Variants in ABI3BP observed in about 807,000 individuals in gnomAD.
ABI3BP encodes ABI family member 3 binding protein.
ABI3BP carries 216 observed loss-of-function variants against 268.6 expected under a neutral mutation model. The observed-to-expected ratio is 0.80, with a 90% CI of 0.72 to 0.90. The LOEUF (loss-of-function observed/expected upper bound fraction) is 0.90. Ranked by LOEUF, ABI3BP falls within the 40% of genes least tolerant of loss-of-function variation. The pLI is 0.00. For synonymous variants in ABI3BP, 730 were observed against 730.0 expected, an observed-to-expected ratio of 1.00 and a Z score of 0.00; for missense variants, 2,090 against 2,182.4, an observed-to-expected ratio of 0.96 and a Z score of 0.84.
intron 2 of ABI3BP, chr3:100,911,694 A>C (rs924069149): frequency 1.3e-5 from 10 of 767,050 alleles, no homozygotes; most frequent in Non-Finnish European, 2.2e-5. Flanking sequence ...ATTGGCAACC[A>C]CTAAAGGTAC....
At chr3:100,899,619 C>A (rs1329089488) in intron 3 of ABI3BP, among the ~76,000 whole-genome samples, 1 of 152,126 alleles carries the variant, frequency 6.6e-6, no homozygotes, top group Non-Finnish European at 1.5e-5. Context: ...CAGGCACTTG[C>A]ACTTTCAAAA....
At chr3:100,878,748 G>C (rs1041912031) in intron 6 of ABI3BP, among the ~76,000 whole-genome samples, 2 of 151,840 alleles carry the variant, frequency 1.3e-5, no homozygotes, top group African/African-American at 4.8e-5. Flanking sequence ...ACTCACTCAC[G>C]AGCCCACCTT....
intron 38 of ABI3BP, among the ~76,000 whole-genome samples, chr3:100,822,359 GC>G (rs545381955): frequency 2.0e-5 from 3 of 152,168 alleles, no homozygotes; most frequent in Non-Finnish European, 4.4e-5. Flanking sequence ...TTAATAAAAT[GC>G]ACAGTGCCAG....
chr3:100,816,922 G>A (rs1189821697), intron 42 of ABI3BP, among the ~76,000 whole-genome samples, 154 bp from the exon 43 acceptor site: 1 of 152,114 alleles, frequency 6.6e-6, no homozygotes. Flanking sequence ...AATCACTGAA[G>A]ATTCTTGAGA....
intron 44 of ABI3BP, 133 bp downstream of exon 44, chr3:100,815,779 A>G: frequency 1.7e-6 from 1 of 597,412 alleles, no homozygotes; most frequent in Non-Finnish European, 2.8e-6. Context: ...AAAACTGCTG[A>G]CTATTTTAAA....
chr3:100,797,196 A>G (rs1560186224), intron 51 of ABI3BP, among the ~76,000 whole-genome samples: 1 of 152,108 alleles, frequency 6.6e-6, no homozygotes, highest in Non-Finnish European at 1.5e-5. Context: ...TCGTATATGC[A>G]GTGCCTGAAA....
intron 29 of ABI3BP, among the ~76,000 whole-genome samples, chr3:100,833,526 T>C (rs1390966168): frequency 6.6e-6 from 1 of 152,212 alleles, no homozygotes; most frequent in African/African-American, 2.4e-5. Context: ...TAGTTCATGA[T>C]AGATGCAATT....
chr3:100,838,574 C>T (rs2098641757), intron 24 of ABI3BP, 110 bp from the exon 25 acceptor site: 2 of 938,120 alleles, frequency 2.1e-6, no homozygotes, highest in Admixed American at 4.1e-5. Context: ...AATCTATAAA[C>T]ATTTCTGGGG....
At chr3:100,903,553 G>T (rs1222872280) in intron 2 of ABI3BP, among the ~76,000 whole-genome samples, 17 of 152,172 alleles carry the variant, frequency 1.1e-4, no homozygotes, top group Admixed American at 1.1e-3. Flanking sequence ...TCTGAAACTC[G>T]TTCTATAAGA....
intron 52 of ABI3BP, 136 bp from the exon 53 acceptor site, chr3:100,795,987 A>G: frequency 1.7e-6 from 1 of 573,272 alleles, no homozygotes; most frequent in Non-Finnish European, 2.4e-6. Flanking sequence ...ATAAGAGAAA[A>G]TTCTTCACAT....
intron 4 of ABI3BP, among the ~76,000 whole-genome samples, chr3:100,888,144 A>G (rs1020612888): frequency 1.3e-5 from 2 of 152,106 alleles, no homozygotes; most frequent in Non-Finnish European, 2.9e-5. Flanking sequence ...TTCTAGTGAA[A>G]GCTGTGCTCA....
At chr3:100,851,441 A>C (rs2098837240) in intron 15 of ABI3BP, among the ~76,000 whole-genome samples, 1 of 152,108 alleles carries the variant, frequency 6.6e-6, no homozygotes, top group South Asian at 2.1e-4. Flanking sequence ...ATCTCTACCC[A>C]CTAGATGCTA....
At position 100,862,923 on chromosome 3, in the gene ABI3BP, C is replaced by A; in HGVS notation, c.1139-14G>T. 6.5e-7 allele frequency: 1 copy of A among 1,529,086 alleles called. No individual in the cohort carries two copies. The highest frequency in any genetic ancestry group is 2.0e-5 in the Admixed American group (1 of 50,612). 94.7% of individuals were successfully genotyped at this position (1,529,086 alleles called of 1,614,324 possible). ...GGCTTTTTGGAGCTGTAATGAAACA[C>A]ATAAAGAAAGTTACGACCTGAGGTG... On this transcript the variant is annotated splice_polypyrimidine_tract_variant and intron_variant, in intron 12 of 67. Transcript: ENST00000471714.
intron 27 of ABI3BP, among the ~76,000 whole-genome samples, chr3:100,836,692 A>T (rs970294378): frequency 5.9e-5 from 9 of 152,332 alleles, no homozygotes; most frequent in Admixed American, 3.3e-4. Flanking sequence ...TGGAACAGGA[A>T]GAAAGGACTT....
Position 100,885,600 on chromosome 3 carries a change from A to G in ABI3BP, c.644-12T>C, listed in dbSNP as rs76083993. 151 of 1,513,804 alleles carry G rather than the reference A, an allele frequency of 1.0e-4. No homozygotes were observed. The East Asian group carries it at 3.5e-3, about 35-fold the overall frequency. 93.8% of individuals were successfully genotyped at this position (1,513,804 alleles called of 1,614,324 possible). A position where few individuals can be genotyped will look rare whatever the true frequency, so the allele number is the denominator to read the frequency against. ...ATTTACTTTTTTACCTGATGAAACA[A>G]GGGAAAAATAACATTATTTTTATTC... is the stretch of plus-strand genomic sequence containing the variant. On this transcript the variant is annotated splice_polypyrimidine_tract_variant and intron_variant, in intron 5 of 67. Coordinates refer to ENST00000471714, the MANE Select transcript of ABI3BP (RefSeq NM_001375547.2).
At position 100,758,927 on chromosome 3, in the gene ABI3BP, G is replaced by A. The variant is rs190225591; in HGVS notation, c.4851-4236C>T. On this transcript the variant is annotated intron_variant, in intron 63 of 67. Transcript: ENST00000471714. Reference sequence around the variant, plus strand: ...TTAGTGGAAGAGGTAATATCCTCAAGCATAACCTTCAGATCTGGATGGAGC... The same window carrying A: ...TTAGTGGAAGAGGTAATATCCTCAAACATAACCTTCAGATCTGGATGGAGC... Among the ~76,000 whole-genome samples the A allele has an allele frequency of 3.9e-5, 6 of 152,262 alleles. No individual in the cohort carries two copies. In the East Asian group the frequency reaches 1.2e-3, roughly 29 times the overall value.
At chr3:100,788,861 C>T (rs1417595035) in intron 56 of ABI3BP, among the ~76,000 whole-genome samples, 1 of 152,162 alleles carries the variant, frequency 6.6e-6, no homozygotes, top group Non-Finnish European at 1.5e-5. Flanking sequence ...TGTGGTCCAA[C>T]TTGTGCCTCA....
chr3:100,951,410 C>A (rs191854158), intron 1 of ABI3BP, among the ~76,000 whole-genome samples: 5 of 151,932 alleles, frequency 3.3e-5, no homozygotes, highest in Admixed American at 1.3e-4. Context: ...TCTTTTGCTC[C>A]TTTAGAGAAC....
At chr3:100,937,203 G>T (rs1474434840) in intron 1 of ABI3BP, among the ~76,000 whole-genome samples, 1 of 152,018 alleles carries the variant, frequency 6.6e-6, no homozygotes, top group African/African-American at 2.4e-5. Context: ...AATCCCAAGT[G>T]TTAGGAAAAA....
Sources: gnomAD v4.1 joint callset for allele counts (sites outside exome capture counted in the v4.1 genomes callset) on GRCh38, gnomAD v4.1.1 for gene constraint, MANE v1.5 for transcripts, NCBI Gene and HGNC (gene_info 2026-07-23, HGNC 2026-07-21) for gene names.